The following TASP1 variants were observed in gnomAD, a reference collection of about 807,000 sequenced individuals.
The protein encoded by TASP1 is threonine aspartase 1.
A neutral mutation model predicts 56.6 loss-of-function variants in TASP1; 16 were observed. The observed-to-expected ratio is 0.28, with a 90% confidence interval of 0.19 to 0.43. The LOEUF (loss-of-function observed/expected upper bound fraction) is 0.43, where lower values mean the gene tolerates loss of function less well. Among genes scored for constraint, TASP1 ranks in the 20% least tolerant of loss-of-function variants. TASP1 has a pLI of 1.00. For synonymous variants in TASP1, 179 were observed against 184.2 expected, an observed-to-expected ratio of 0.97 and a Z score of 0.23; for missense variants, 393 against 511.6, an observed-to-expected ratio of 0.77 and a Z score of 2.24.
intron 11 of TASP1, among the ~76,000 whole-genome samples, chr20:13,445,595 G>C: frequency 6.6e-6 from 1 of 152,100 alleles, no homozygotes; most frequent in East Asian, 1.9e-4. Flanking sequence ...CTCAGTGGAG[G>C]GGAAGCCAAA....
At chr20:13,495,724 A>G (rs1029481135) in intron 10 of TASP1, among the ~76,000 whole-genome samples, 17 of 152,200 alleles carry the variant, frequency 1.1e-4, no homozygotes, top group Non-Finnish European at 1.9e-4. Context: ...AGAAATAATA[A>G]CAGGAAAAGA....
chr20:13,170,898 T>C, the TASP1 span, among the ~76,000 whole-genome samples: 1 of 152,198 alleles, frequency 6.6e-6, no homozygotes, highest in Non-Finnish European at 1.5e-5. Context: ...ACTAAAGGCA[T>C]AAGGAAGACC....
At chr20:13,512,114 T>C (rs970316086) in intron 10 of TASP1, among the ~76,000 whole-genome samples, 1 of 152,168 alleles carries the variant, frequency 6.6e-6, no homozygotes, top group African/African-American at 2.4e-5. Flanking sequence ...CCTTTGGGTA[T>C]ATACCCAGTA....
chr20:13,443,450 A>AAACAAGTG (rs1160409591), intron 11 of TASP1, among the ~76,000 whole-genome samples: 54 of 152,352 alleles, frequency 3.5e-4, no homozygotes, highest in African/African-American at 1.2e-3. Flanking sequence ...CAGCTGCAAA[A>AAACAAGTG]AACAAGTGGA....
chr20:13,368,052 TATTTTG>T, the TASP1 span, among the ~76,000 whole-genome samples: 1 of 152,204 alleles, frequency 6.6e-6, no homozygotes, highest in South Asian at 2.1e-4. Context: ...TTTTCACAAA[TATTTTG>T]ATTCCATAGG....
At chr20:13,351,565 T>C in the TASP1 span, among the ~76,000 whole-genome samples, 1 of 152,214 alleles carries the variant, frequency 6.6e-6, no homozygotes, top group Non-Finnish European at 1.5e-5. Flanking sequence ...ATTCCATTTA[T>C]ACAACGTTCT....
chr20:13,616,688 T>C (rs940939128), intron 4 of TASP1, among the ~76,000 whole-genome samples: 1 of 151,938 alleles, frequency 6.6e-6, no homozygotes, highest in Non-Finnish European at 1.5e-5. Flanking sequence ...GCTTTTCCAT[T>C]AAGCAGGTAC....
chr20:13,214,098 C>G, the TASP1 span, among the ~76,000 whole-genome samples: 1 of 152,106 alleles, frequency 6.6e-6, no homozygotes, highest in Non-Finnish European at 1.5e-5. Flanking sequence ...CAATTTGAAC[C>G]ATTTGAATGT....
chr20:13,174,436 G>A, the TASP1 span, among the ~76,000 whole-genome samples: 1 of 152,178 alleles, frequency 6.6e-6, no homozygotes, highest in Admixed American at 6.5e-5. Flanking sequence ...GGTGGCGCAT[G>A]CCTGTAATTC....
At chr20:13,278,128 G>T in the TASP1 span, among the ~76,000 whole-genome samples, 3 of 152,192 alleles carry the variant, frequency 2.0e-5, no homozygotes, top group Admixed American at 2.0e-4. Context: ...CATCCAGGGG[G>T]TGTTGCAAGA....
At chr20:13,388,350 A>C (rs982158307), downstream of TASP1, among the ~76,000 whole-genome samples, 1 of 152,074 alleles carries the variant, frequency 6.6e-6, no homozygotes, top group Admixed American at 6.5e-5. Context: ...TGCCTCCATG[A>C]TTCTGAATAT....
the TASP1 span, among the ~76,000 whole-genome samples, chr20:13,279,030 G>C: frequency 6.6e-6 from 1 of 152,322 alleles, no homozygotes; most frequent in East Asian, 1.9e-4. Flanking sequence ...GCTGGACAGA[G>C]TGAATCACAT....
intron 4 of TASP1, among the ~76,000 whole-genome samples, chr20:13,588,324 G>GGAAGGAAA (rs918527713): frequency 6.7e-6 from 1 of 148,854 alleles, no homozygotes; most frequent in African/African-American, 2.5e-5. Flanking sequence ...AGAAAAGGAA[G>GGAAGGAAA]GAAGGAAGGA....
Position 13,567,209 on chromosome 20 carries a change from G to A in TASP1, c.568+2298C>T, listed in dbSNP as rs146482669. Reference sequence around the variant, plus strand: ...CGCATGCTCTCACTTATAAGTGGGAGCCAAATGATGGAAACACATGGACAC... The same window carrying A: ...CGCATGCTCTCACTTATAAGTGGGAACCAAATGATGGAAACACATGGACAC... On this transcript the variant is annotated intron_variant, in intron 7 of 13. Transcript: ENST00000337743. Among the ~76,000 whole-genome samples, 275 of 152,076 alleles carry A rather than the reference G, an allele frequency of 1.8e-3. 1 individual carries two copies. Among genetic ancestry groups the A allele is most frequent in the African/African-American group, 6.2e-3 (258 of 41,478 alleles).
the TASP1 span, chr20:13,237,980 G>C: frequency 6.6e-6 from 1 of 152,310 alleles, no homozygotes; most frequent in Admixed American, 6.5e-5. Context: ...TATGAAAAGA[G>C]TGACCAGCAA....
At chr20:13,135,138 C>T in the TASP1 span, among the ~76,000 whole-genome samples, 2 of 152,302 alleles carry the variant, frequency 1.3e-5, no homozygotes, top group Middle Eastern at 6.8e-3. Context: ...CCAATAACTG[C>T]TATCCCTTAG....
chr20:13,243,119 A>G, the TASP1 span, among the ~76,000 whole-genome samples: 1 of 149,138 alleles, frequency 6.7e-6, no homozygotes, highest in African/African-American at 2.5e-5. Flanking sequence ...TGGCTTGGGG[A>G]AGAAGTTCCT....
At position 13,552,975 on chromosome 20, in the gene TASP1, G is replaced by A. The variant is rs548303368; in HGVS notation, c.675+6033C>T. Among the ~76,000 whole-genome samples the A allele has an allele frequency of 2.0e-5, 3 of 152,068 alleles. No homozygotes were observed. The Middle Eastern group carries it at 0.01, about 517-fold the overall frequency. Reference sequence around the variant, plus strand: ...CGGGGAGACAGAGTCTCACTCTGTTGCCCAGGCTGGAGTGCAGTAGCATGA... The same window carrying A: ...CGGGGAGACAGAGTCTCACTCTGTTACCCAGGCTGGAGTGCAGTAGCATGA... On this transcript the variant is annotated intron_variant, in intron 8 of 13. Coordinates refer to ENST00000337743, the MANE Select transcript of TASP1 (RefSeq NM_017714.3).
the TASP1 span, among the ~76,000 whole-genome samples, chr20:13,352,573 T>C: frequency 6.6e-6 from 1 of 152,114 alleles, no homozygotes; most frequent in East Asian, 1.9e-4. Flanking sequence ...TTCAATGAAG[T>C]GATGGGCCTG....
Sources: gnomAD v4.1 joint callset for allele counts (sites outside exome capture counted in the v4.1 genomes callset) on GRCh38, gnomAD v4.1.1 for gene constraint, MANE v1.5 for transcripts, NCBI Gene and HGNC (gene_info 2026-07-23, HGNC 2026-07-21) for gene names.